The following GALNT7 variants were observed in gnomAD, a reference collection of about 807,000 sequenced individuals.
GALNT7 encodes the protein N-acetylgalactosaminyltransferase 7.
GALNT7 carries 60 observed loss-of-function variants against 82.1 expected under a neutral mutation model. That is an observed-to-expected ratio of 0.73 (90% CI 0.59 to 0.91). The LOEUF is 0.91. Among genes scored for constraint, GALNT7 ranks in the 40% least tolerant of loss-of-function variants. The probability of loss-of-function intolerance (pLI) is 0.00; values close to 1 mark genes in which losing one functional copy is unlikely to be tolerated. For synonymous variants in GALNT7, 243 were observed against 275.1 expected, an observed-to-expected ratio of 0.88 and a Z score of 1.15; for missense variants, 660 against 804.2, an observed-to-expected ratio of 0.82 and a Z score of 2.17.
chr4:173,195,536 T>C (rs922943579), intron 1 of GALNT7, among the ~76,000 whole-genome samples: 18 of 152,206 alleles, frequency 1.2e-4, no homozygotes, highest in African/African-American at 4.3e-4. Context: ...TAAAAAACAC[T>C]GTACTTCCTA....
intron 2 of GALNT7, among the ~76,000 whole-genome samples, chr4:173,291,795 A>G (rs1486545749): frequency 3.2e-5 from 4 of 124,540 alleles, no homozygotes; most frequent in South Asian, 2.3e-4. Flanking sequence ...CCAGGTCATG[A>G]AAAAAAAAAA....
At chr4:173,307,129 C>G (rs1561198691) in intron 8 of GALNT7, among the ~76,000 whole-genome samples, 1 of 152,214 alleles carries the variant, frequency 6.6e-6, no homozygotes, top group Non-Finnish European at 1.5e-5. Context: ...ATGTTGGGGT[C>G]TTTGGGTATG....
chr4:173,251,027 G>T lies in GALNT7; in HGVS notation c.587+2587G>T, dbSNP rs1186815681. ...TGGTATCTATCAAATTTTATAATTA[G>T]ATATTGGTTTATTAAGTTGTTTATT... On this transcript the variant is annotated intron_variant, in intron 2 of 11. Transcript: ENST00000265000. Among the ~76,000 whole-genome samples, 4 of 152,130 alleles carry T rather than the reference G, an allele frequency of 2.6e-5. 1 individual carries two copies. The highest frequency in any genetic ancestry group is 6.5e-5 in the Admixed American group (1 of 15,270).
intron 1 of GALNT7, among the ~76,000 whole-genome samples, chr4:173,245,856 CAAA>C (rs569838493): frequency 6.6e-6 from 1 of 151,956 alleles, no homozygotes; most frequent in Non-Finnish European, 1.5e-5. Flanking sequence ...ATATGATTTC[CAAA>C]AAAACAGCCT....
chr4:173,177,012 A>G (rs1579878345), intron 1 of GALNT7, among the ~76,000 whole-genome samples: 3 of 152,322 alleles, frequency 2.0e-5, no homozygotes, highest in African/African-American at 7.2e-5. Flanking sequence ...AGAATTGCCC[A>G]GTGGGAGGAG....
At chr4:173,280,567 G>A (rs1468198547) in intron 2 of GALNT7, among the ~76,000 whole-genome samples, 2 of 151,958 alleles carry the variant, frequency 1.3e-5, no homozygotes, top group East Asian at 3.8e-4. Context: ...CCTGTAATCT[G>A]AATGTGAGTA....
rs758724728 is a variant in GALNT7 at position 173,302,920 on chromosome 4, C to T, written c.1266+756C>T. Among the ~76,000 whole-genome samples, 1 of 152,144 alleles carries T rather than the reference C, an allele frequency of 6.6e-6. No homozygotes were observed. Among genetic ancestry groups the T allele is most frequent in the South Asian group, 2.1e-4 (1 of 4,832 alleles). On this transcript the variant is annotated intron_variant, in intron 7 of 11. Coordinates refer to ENST00000265000, the MANE Select transcript of GALNT7 (RefSeq NM_017423.3). The surrounding 1 kb of genome is among the most constrained non-coding windows in gnomAD (Gnocchi z 4.2). ...TCAGTTGGTGTGCTTAAAAAACCGTCGGCCAGGCGCTCATGCCTATAAACC... is the reference window on the plus strand; with the variant it reads ...TCAGTTGGTGTGCTTAAAAAACCGTTGGCCAGGCGCTCATGCCTATAAACC...
intron 1 of GALNT7, among the ~76,000 whole-genome samples, chr4:173,196,196 C>G (rs1475711465): frequency 6.6e-6 from 1 of 151,578 alleles, no homozygotes; most frequent in African/African-American, 2.4e-5. Flanking sequence ...ACAATCTTGG[C>G]TCACTGCAAC....
intron 1 of GALNT7, among the ~76,000 whole-genome samples, chr4:173,237,052 A>C (rs1221563096): frequency 6.6e-6 from 1 of 152,200 alleles, no homozygotes; most frequent in Non-Finnish European, 1.5e-5. Flanking sequence ...ATCTACTCTG[A>C]CTGTATTTTT....
Position 173,297,591 on chromosome 4 carries a change from GCCT to G in GALNT7, c.966-523_966-521del, listed in dbSNP as rs555177842. Among the ~76,000 whole-genome samples the G allele has an allele frequency of 1.4e-3, 209 of 152,328 alleles. 5 individuals are homozygous for G. Among genetic ancestry groups the G allele is most frequent in the African/African-American group, 4.9e-3 (203 of 41,570 alleles). ...CTTTGTCCCTGACATTTGTCTGTAA[GCCT>G]AGGGGGAAGTCTCCTCTCTCCTGCC... On this transcript the variant is annotated intron_variant, in intron 5 of 11. Coordinates refer to ENST00000265000, the MANE Select transcript of GALNT7 (RefSeq NM_017423.3).
At chr4:173,280,449 G>A (rs181158947) in intron 2 of GALNT7, among the ~76,000 whole-genome samples, 7 of 152,204 alleles carry the variant, frequency 4.6e-5, no homozygotes, top group African/African-American at 1.4e-4. Flanking sequence ...AATCACTATG[G>A]AAATTCATTA....
intron 1 of GALNT7, among the ~76,000 whole-genome samples, chr4:173,177,469 G>GT (rs1286982615): frequency 6.6e-6 from 1 of 152,152 alleles, no homozygotes; most frequent in Admixed American, 6.5e-5. Flanking sequence ...GAGTGGGTTG[G>GT]TAAGTTAAAG....
chr4:173,248,457 T>G lies in GALNT7; in HGVS notation c.587+17T>G. ...CCAAGAAGAGTAAGCACACATCCTC[T>G]TCTTTCTAAAAATGGGGCAACTGTT... On this transcript the variant is annotated intron_variant, in intron 2 of 11. Transcript: ENST00000265000. 6.7e-7 allele frequency: 1 copy of G among 1,487,390 alleles called. No homozygotes were observed. Among genetic ancestry groups the G allele is most frequent in the South Asian group, 1.2e-5 (1 of 83,030 alleles). 92.1% of individuals were successfully genotyped at this position (1,487,390 alleles called of 1,614,324 possible).
chr4:173,215,967 TAAAG>T (rs1053368179), intron 1 of GALNT7, among the ~76,000 whole-genome samples: 2 of 151,738 alleles, frequency 1.3e-5, no homozygotes, highest in African/African-American at 4.8e-5. Flanking sequence ...AAAATAAAAA[TAAAG>T]AAATCAGCCG....
intron 8 of GALNT7, 30 bp from the exon 9 acceptor site, chr4:173,313,928 G>GATATAT (rs138768800): frequency 2.1e-6 from 2 of 943,658 alleles, no homozygotes; most frequent in Middle Eastern, 2.9e-4. Flanking sequence ...TTTTTATAAC[G>GATATAT]ATATATATAT....
chr4:173,253,091 A>G lies in GALNT7; in HGVS notation c.587+4651A>G, dbSNP rs144741763. On this transcript the variant is annotated intron_variant, in intron 2 of 11. Transcript: ENST00000265000. ...TTGGCGCATCCCTCTGGTCTCTTCT[A>G]CTTGGGAGGCTGAGGTGAGAGGATC... Among the ~76,000 whole-genome samples, 32 of 152,068 alleles carry G rather than the reference A, an allele frequency of 2.1e-4. 1 individual carries two copies. The highest frequency in any genetic ancestry group is 7.2e-4 in the African/African-American group (30 of 41,458).
At chr4:173,256,274 G>A (rs1718079870) in intron 2 of GALNT7, among the ~76,000 whole-genome samples, 1 of 152,056 alleles carries the variant, frequency 6.6e-6, no homozygotes, top group Non-Finnish European at 1.5e-5. Flanking sequence ...TGATGAAGAA[G>A]GCCATCCTTG....
chr4:173,289,690 T>C (rs1736466089), intron 2 of GALNT7, among the ~76,000 whole-genome samples: 1 of 152,214 alleles, frequency 6.6e-6, no homozygotes. Context: ...GAGCCCACCA[T>C]GTATATGCCT....
At chr4:173,214,112 C>G (rs1733365290) in intron 1 of GALNT7, among the ~76,000 whole-genome samples, 1 of 152,056 alleles carries the variant, frequency 6.6e-6, no homozygotes. Flanking sequence ...ATCAAGATGC[C>G]TCTGGAAATA....
Sources: gnomAD v4.1 joint callset for allele counts (sites outside exome capture counted in the v4.1 genomes callset) on GRCh38, gnomAD v4.1.1 for gene constraint, Gnocchi (gnomAD v3.1) non-coding constraint, MANE v1.5 for transcripts, NCBI Gene and HGNC (gene_info 2026-07-23, HGNC 2026-07-21) for gene names.